Variants in GPR180 observed in about 807,000 individuals in gnomAD.
The protein encoded by GPR180 is integral membrane protein GPR180.
Under a neutral mutation model 52.6 loss-of-function variants are expected in GPR180, and 53 were observed. The observed-to-expected ratio is 1.01, with a 90% CI of 0.81 to 1.27. The LOEUF (loss-of-function observed/expected upper bound fraction) is 1.27. Among genes scored for constraint, GPR180 ranks in the 50% most tolerant of loss-of-function variants. The probability of loss-of-function intolerance (pLI) is 0.00; values close to 1 mark genes in which losing one functional copy is unlikely to be tolerated. For missense variants in GPR180, 533 were observed against 527.0 expected, an observed-to-expected ratio of 1.01 and a Z score of -0.11; for synonymous variants, 200 against 193.1, an observed-to-expected ratio of 1.04 and a Z score of -0.30.
chr13:94,602,010 G>A lies in GPR180; in HGVS notation c.83G>A (p.Ser28Asn). The part of the protein sequence containing the change: ...QGSQGKTLRG[S>N]FSSTAAQDAQ... The stretch of plus-strand genomic sequence containing the variant: ...AGCCAGGGTAAGACCCTGCGGGGCA[G>A]CTTCAGCAGCACCGCGGCCCAGGAC... Residue 28 changes from serine to asparagine, a missense_variant, in exon 1 of 9, where the codon AGC becomes AAC. Physicochemically the swap from Ser to Asn is conservative, Grantham distance 46. Transcript: ENST00000376958. 1.4e-6 allele frequency: 2 copies of A among 1,471,474 alleles called. No homozygotes were observed. The highest frequency in any genetic ancestry group is 1.8e-6 in the Non-Finnish European group (2 of 1,112,716). 91.2% of individuals were successfully genotyped at this position (1,471,474 alleles called of 1,614,324 possible).
Position 94,623,124 on chromosome 13 carries a change from T to C in GPR180, c.910T>C (p.Trp304Arg). 2 of 1,611,768 alleles carry C rather than the reference T, an allele frequency of 1.2e-6. No individual in the cohort carries two copies. Among genetic ancestry groups the C allele is most frequent in the Non-Finnish European group, 1.7e-6 (2 of 1,178,606 alleles). ...TCTTTTGCAGAGTGTTTTGCTACTT[T>C]GGGAACAGTTTGAAGATATCAGTCA... ...IVMTQSVLLL[W>R]EQFEDISHHS... Residue 304 changes from tryptophan to arginine, a missense_variant, in exon 7 of 9, where the codon TGG becomes CGG. Coordinates refer to ENST00000376958, the MANE Select transcript of GPR180 (RefSeq NM_180989.6).
chr13:94,607,655 G>A (rs957080675), intron 2 of GPR180, among the ~76,000 whole-genome samples: 1 of 151,622 alleles, frequency 6.6e-6, no homozygotes, highest in African/African-American at 2.4e-5. Flanking sequence ...GGCTCTTCTG[G>A]TGTGTTCATT....
intron 3 of GPR180, among the ~76,000 whole-genome samples, chr13:94,615,411 C>T (rs1461450042): frequency 6.6e-6 from 1 of 152,124 alleles, no homozygotes; most frequent in Non-Finnish European, 1.5e-5. Flanking sequence ...TAACCTGGTG[C>T]AGATAGTTGC....
intron 5 of GPR180, among the ~76,000 whole-genome samples, chr13:94,620,105 G>C (rs1208659988): frequency 1.3e-5 from 2 of 152,160 alleles, no homozygotes; most frequent in Non-Finnish European, 2.9e-5. Flanking sequence ...TTATTTTGCA[G>C]ATAAAGGATC....
At chr13:94,626,257 G>T (rs1889927227) in intron 8 of GPR180, among the ~76,000 whole-genome samples, 1 of 151,920 alleles carries the variant, frequency 6.6e-6, no homozygotes, top group African/African-American at 2.4e-5. Context: ...AGCTTTTCTT[G>T]ATTGTACTAC....
At position 94,602,058 on chromosome 13, in the gene GPR180, A is replaced by C; in HGVS notation, c.131A>C (p.His44Pro). The C allele has an allele frequency of 2.8e-6, 4 of 1,403,688 alleles. No homozygotes were observed. Among genetic ancestry groups the C allele is most frequent in the Non-Finnish European group, 3.7e-6 (4 of 1,074,754 alleles). 87.0% of individuals were successfully genotyped at this position (1,403,688 alleles called of 1,614,324 possible). The change falls in exon 1 of 9, where the codon CAC (histidine) becomes CCC (proline). Residue 44 changes from histidine (H) to proline (P), a missense_variant. By Grantham distance (77) the His-to-Pro change is moderately conservative. Coordinates refer to ENST00000376958, the MANE Select transcript of GPR180 (RefSeq NM_180989.6). ...AQDAQGQRIG[H>P]FEFHGDHALL... Reference sequence around the variant, plus strand: ...GACGCCCAGGGCCAGCGCATCGGCCACTTCGAGTTCCATGGTAGGTCTGGG... The same window carrying C: ...GACGCCCAGGGCCAGCGCATCGGCCCCTTCGAGTTCCATGGTAGGTCTGGG...
chr13:94,631,771 A>G lies in GPR180; in HGVS notation c.*4600A>G, dbSNP rs1890002074. On this transcript the variant is annotated 3_prime_UTR_variant, in exon 9 of 9. Coordinates refer to ENST00000376958, the MANE Select transcript of GPR180 (RefSeq NM_180989.6). ...CCTATTCTTTGTTCAATTGCATGGA[A>G]CTTGGTAGTGTGTAAAAATCTTGAC... 6.6e-6 allele frequency: 1 copy of G among 151,970 alleles called. No individual in the cohort carries two copies. The highest frequency in any genetic ancestry group is 1.5e-5 in the Non-Finnish European group (1 of 68,010). 9.4% of individuals were successfully genotyped at this position (151,970 alleles called of 1,614,324 possible).
intron 5 of GPR180, 143 bp from the exon 6 acceptor site, chr13:94,620,935 C>G: frequency 1.5e-6 from 1 of 657,458 alleles, no homozygotes; most frequent in South Asian, 2.1e-5. Flanking sequence ...GCGAATATCT[C>G]TTAATGAATT....
Position 94,623,153 on chromosome 13 carries a change from T to C in GPR180, c.939T>C (p.His313=). Residue 313 remains histidine, a synonymous_variant, in exon 7 of 9, where the codon CAT becomes CAC. Transcript: ENST00000376958. ...AACAGTTTGAAGATATCAGTCATCA[T>C]AGCTACCATTCACACCACAACTTAG... ...LWEQFEDISH[H]SYHSHHNLAG... 2 of 1,614,086 alleles carry C rather than the reference T, an allele frequency of 1.2e-6. No individual in the cohort carries two copies. The highest frequency in any genetic ancestry group is 1.7e-6 in the Non-Finnish European group (2 of 1,179,966).
rs145010781 is a variant in GPR180, at chr13:94,626,890, A to G, written c.1165-123A>G. 836 of 707,424 alleles carry G rather than the reference A, an allele frequency of 1.2e-3. 4 individuals are homozygous for G. The African/African-American group carries it at 0.013, about 11-fold the overall frequency. The allele number at this position is 707,424 out of a possible 1,614,324, so 43.8% of individuals were successfully genotyped here. A position where few individuals can be genotyped will look rare whatever the true frequency, so the allele number is the denominator to read the frequency against. On this transcript the variant is annotated intron_variant, in intron 8 of 8. Coordinates refer to ENST00000376958, the MANE Select transcript of GPR180 (RefSeq NM_180989.6). ...AAAATTTTTTTGATAAAATGTACCT[A>G]TGGTAAAGATGAAAGATAGAGTATT...
intron 3 of GPR180, among the ~76,000 whole-genome samples, chr13:94,612,643 A>C (rs1889725487): frequency 6.6e-6 from 1 of 152,202 alleles, no homozygotes; most frequent in South Asian, 2.1e-4. Flanking sequence ...GATTATTTTG[A>C]TACTCTGGGT....
intron 1 of GPR180, 50 bp downstream of exon 1, chr13:94,602,122 C>G: frequency 1.6e-6 from 2 of 1,268,964 alleles, no homozygotes; most frequent in Non-Finnish European, 2.0e-6. Flanking sequence ...CCCATCCCGC[C>G]GGCTGAGTCC....
chr13:94,622,299 T>G (rs1476537074), intron 6 of GPR180, among the ~76,000 whole-genome samples: 1 of 152,232 alleles, frequency 6.6e-6, no homozygotes, highest in Non-Finnish European at 1.5e-5. Flanking sequence ...ATTCTCACTT[T>G]TTATTTCTTT....
intron 1 of GPR180, among the ~76,000 whole-genome samples, chr13:94,604,098 C>T (rs1159104446): frequency 6.6e-6 from 1 of 152,058 alleles, no homozygotes; most frequent in Admixed American, 6.6e-5. Flanking sequence ...CTTTGGGAGG[C>T]TGAGGTGGGT....
rs1889990394 is a variant in GPR180 at position 94,631,165 on chromosome 13, G to T, written c.*3994G>T. The T allele has an allele frequency of 6.6e-6, 1 of 152,144 alleles. No individual in the cohort carries two copies. The highest frequency in any genetic ancestry group is 1.5e-5 in the Non-Finnish European group (1 of 68,066). The allele number at this position is 152,144 out of a possible 1,614,324, so 9.4% of individuals were successfully genotyped here. A position where few individuals can be genotyped will look rare whatever the true frequency, so the allele number is the denominator to read the frequency against. On this transcript the variant is annotated 3_prime_UTR_variant, in exon 9 of 9. Coordinates refer to ENST00000376958, the MANE Select transcript of GPR180 (RefSeq NM_180989.6). ...ACTCTGACAAAGGGTGCCAGCTTCTGCTGGACAACTCCATCATTCACACTG... is the reference window on the plus strand; with the variant it reads ...ACTCTGACAAAGGGTGCCAGCTTCTTCTGGACAACTCCATCATTCACACTG...
At chr13:94,602,797 A>G (rs1030473242) in intron 1 of GPR180, among the ~76,000 whole-genome samples, 205 of 152,258 alleles carry the variant, frequency 1.3e-3, no homozygotes, top group African/African-American at 4.8e-3. Flanking sequence ...TGCATTTGCA[A>G]TTCATTCTAA....
chr13:94,623,941 AAC>A (rs1042368378), intron 7 of GPR180, among the ~76,000 whole-genome samples: 2 of 152,164 alleles, frequency 1.3e-5, no homozygotes, highest in African/African-American at 2.4e-5. Context: ...TGGATTTCTC[AAC>A]AGTTATTAAT....
At chr13:94,615,892 G>C (rs1350782455) in intron 3 of GPR180, among the ~76,000 whole-genome samples, 1 of 152,180 alleles carries the variant, frequency 6.6e-6, no homozygotes, top group Non-Finnish European at 1.5e-5. Flanking sequence ...ATGTGTTGCT[G>C]GTAACATGTT....
At chr13:94,618,385 C>A (rs947504133) in intron 3 of GPR180, among the ~76,000 whole-genome samples, 2 of 145,300 alleles carry the variant, frequency 1.4e-5, no homozygotes, top group Non-Finnish European at 3.0e-5. Flanking sequence ...CAATTTTCAG[C>A]CAATCCTGGC....
Sources: allele counts gnomAD v4.1 joint callset (sites outside exome capture counted in the v4.1 genomes callset), GRCh38; gene constraint gnomAD v4.1.1; transcripts MANE v1.5; gene names NCBI Gene and HGNC (gene_info 2026-07-23, HGNC 2026-07-21).